KANK1: variants seen among roughly 807,000 people sequenced by gnomAD.
The protein encoded by KANK1 is KN motif and ankyrin repeat domains 1.
A neutral mutation model predicts 106.2 loss-of-function variants in KANK1; 109 were observed. The observed-to-expected ratio is 1.03, with a 90% CI of 0.88 to 1.20. KANK1 has a LOEUF of 1.20. Among genes scored for constraint, KANK1 ranks in the 50% most tolerant of loss-of-function variants. The pLI is 0.00. For synonymous variants in KANK1, 873 were observed against 652.2 expected, an observed-to-expected ratio of 1.34 and a Z score of -5.16; for missense variants, 2,399 against 1,710.7, an observed-to-expected ratio of 1.40 and a Z score of -7.10.
At chr9:580,295 A>T (rs1320180145) in intron 1 of KANK1, among the ~76,000 whole-genome samples, 1 of 152,094 alleles carries the variant, frequency 6.6e-6, no homozygotes, top group Non-Finnish European at 1.5e-5. Context: ...CTGGTGTTAC[A>T]GCTCATAAAG....
intron 3 of KANK1, among the ~76,000 whole-genome samples, chr9:490,554 A>C (rs1483573055): frequency 6.6e-6 from 1 of 152,230 alleles, no homozygotes; most frequent in African/African-American, 2.4e-5. Context: ...AGCAGTAAAC[A>C]TAAAATGTTC....
intron 5 of KANK1, chr9:731,494 A>G (rs1211232523): frequency 7.8e-6 from 3 of 384,344 alleles, no homozygotes; most frequent in South Asian, 6.1e-5. Context: ...AGCGGTTTAC[A>G]TCTCCTCACC....
At chr9:744,388 G>C in intron 10 of KANK1, 103 bp from the exon 11 acceptor site, 2 of 1,340,752 alleles carry the variant, frequency 1.5e-6, no homozygotes, top group Non-Finnish European at 2.0e-6. Context: ...GGGATATTTG[G>C]GGAACCTTGC....
intron 1 of KANK1, among the ~76,000 whole-genome samples, chr9:620,142 A>G (rs1329514701): frequency 6.6e-6 from 1 of 152,088 alleles, no homozygotes; most frequent in Non-Finnish European, 1.5e-5. Flanking sequence ...AAAAAAAAAA[A>G]AAATTGTTTT....
At chr9:544,499 T>C (rs543231969) in intron 1 of KANK1, among the ~76,000 whole-genome samples, 17 of 152,178 alleles carry the variant, frequency 1.1e-4, no homozygotes, top group Admixed American at 2.0e-4. Flanking sequence ...GAGCAATTAA[T>C]AGATGGACCG....
At chr9:633,534 C>G (rs1588434797) in intron 1 of KANK1, among the ~76,000 whole-genome samples, 1 of 152,206 alleles carries the variant, frequency 6.6e-6, no homozygotes, top group East Asian at 1.9e-4. Context: ...TACCCCTTCT[C>G]CCAAGACTCT....
At chr9:699,003 A>C (rs1589009856) in intron 2 of KANK1, among the ~76,000 whole-genome samples, 1 of 152,102 alleles carries the variant, frequency 6.6e-6, no homozygotes, top group Non-Finnish European at 1.5e-5. Flanking sequence ...GCCTCACTGC[A>C]GTCTTTGCAA....
rs1463681255 is a variant in KANK1 at position 711,344 on chromosome 9, C to G, written c.578C>G (p.Thr193Arg). The G allele has an allele frequency of 8.1e-6, 13 of 1,614,080 alleles. No homozygotes were observed. The highest frequency in any genetic ancestry group is 1.7e-5 in the Admixed American group (1 of 60,006). ...RLASFGGMGT[T>R]SSLPSFVGSG... ...GCCAGTTTTGGAGGCATGGGCACCACAAGCTCCCTCCCTTCTTTTGTGGGT... is the reference window on the plus strand; with the variant it reads ...GCCAGTTTTGGAGGCATGGGCACCAGAAGCTCCCTCCCTTCTTTTGTGGGT... The change falls in exon 3 of 12, where the codon ACA becomes AGA. Residue 193 changes from threonine to arginine, a missense_variant. Thr to Arg is a moderately conservative substitution (Grantham distance 71). Transcript: ENST00000382297.
intron 1 of KANK1, among the ~76,000 whole-genome samples, chr9:521,243 G>A (rs1011311734): frequency 6.6e-6 from 1 of 151,722 alleles, no homozygotes; most frequent in Admixed American, 6.6e-5. Flanking sequence ...GATTCTTTTT[G>A]TGGGGGATCT....
rs778867883 is a variant in KANK1 at position 531,277 on chromosome 9, A to G, written c.-84+26523A>G. 3.5e-4 allele frequency among the ~76,000 whole-genome samples: 53 copies of G among 152,084 alleles called. 1 individual carries two copies. Among genetic ancestry groups the G allele is most frequent in the Admixed American group, 6.6e-4 (10 of 15,260 alleles). On this transcript the variant is annotated intron_variant, in intron 1 of 11. Coordinates refer to ENST00000382297, the MANE Select transcript of KANK1 (RefSeq NM_015158.5). ...AACAAAGCAAGAACCTTCCCTCTAT[A>G]AAAAATACCCAGATGTGGTGGTGCG...
chr9:634,963 G>T (rs1268942401), intron 1 of KANK1, among the ~76,000 whole-genome samples: 1 of 152,184 alleles, frequency 6.6e-6, no homozygotes, highest in African/African-American at 2.4e-5. Flanking sequence ...CATCTAGACA[G>T]GGCATCTTGT....
At chr9:714,617 C>T (rs1827192450) in intron 3 of KANK1, among the ~76,000 whole-genome samples, 1 of 152,122 alleles carries the variant, frequency 6.6e-6, no homozygotes, top group Non-Finnish European at 1.5e-5. Flanking sequence ...CTCGGCCTCC[C>T]AAAGTGCTGG....
chr9:676,264 G>C (rs957578559), intron 1 of KANK1, among the ~76,000 whole-genome samples: 2 of 152,160 alleles, frequency 1.3e-5, no homozygotes, highest in Non-Finnish European at 2.9e-5. Context: ...TCAAGATGGA[G>C]TTGCTCTGGT....
At chr9:696,448 G>A (rs1220120007) in intron 2 of KANK1, among the ~76,000 whole-genome samples, 1 of 152,202 alleles carries the variant, frequency 6.6e-6, no homozygotes, top group African/African-American at 2.4e-5. Context: ...CCAGGACAGA[G>A]CAGTTGAGGG....
rs1825736529 is a variant in KANK1, at chr9:710,627, A to AC, written c.38-177_38-176insC. On this transcript the variant is annotated intron_variant, in intron 2 of 11. Coordinates refer to ENST00000382297, the MANE Select transcript of KANK1 (RefSeq NM_015158.5). ...GAATGACCTGTCTCAAAAAAAAAAA[A>AC]AACAAAAAAAAACAAAAAAAACTTG... is the stretch of plus-strand genomic sequence containing the variant. Among the ~76,000 whole-genome samples, 3 of 102,280 alleles carry AC rather than the reference A, an allele frequency of 2.9e-5. 1 individual carries two copies. Among genetic ancestry groups the AC allele is most frequent in the African/African-American group, 1.6e-4 (3 of 18,308 alleles). 67.1% of individuals were successfully genotyped at this position (102,280 alleles called of 152,430 possible).
At chr9:645,462 G>A (rs1313593701) in intron 1 of KANK1, among the ~76,000 whole-genome samples, 19 of 122,370 alleles carry the variant, frequency 1.6e-4, no homozygotes, top group African/African-American at 4.0e-4. Flanking sequence ...AAAAAAAAAA[G>A]GCCTTAAGAT....
At chr9:534,753 C>T (rs2060218344) in intron 1 of KANK1, among the ~76,000 whole-genome samples, 1 of 152,192 alleles carries the variant, frequency 6.6e-6, no homozygotes, top group Non-Finnish European at 1.5e-5. Flanking sequence ...CCTCTGATGG[C>T]TTCTCCCAGA....
At chr9:687,854 G>A (rs1046062841) in intron 2 of KANK1, among the ~76,000 whole-genome samples, 2 of 152,108 alleles carry the variant, frequency 1.3e-5, no homozygotes, top group Non-Finnish European at 2.9e-5. Flanking sequence ...ACGGTTGTGT[G>A]CGTCACTAAT....
intron 1 of KANK1, among the ~76,000 whole-genome samples, chr9:524,714 C>T (rs2059704506): frequency 6.6e-6 from 1 of 151,540 alleles, no homozygotes; most frequent in South Asian, 2.1e-4. Context: ...GACGGCATTT[C>T]ACCATGTTGG....
Sources: allele counts gnomAD v4.1 joint callset (sites outside exome capture counted in the v4.1 genomes callset), GRCh38; gene constraint gnomAD v4.1.1; transcripts MANE v1.5; gene names NCBI Gene and HGNC (gene_info 2026-07-23, HGNC 2026-07-21).